The following ARHGEF39 variants were observed in gnomAD, a reference collection of about 807,000 sequenced individuals.
The protein encoded by ARHGEF39 is Rho guanine nucleotide exchange factor 39, also known as Rho guanine nucleotide exchange factor (GEF) 39.
ARHGEF39 carries 45 observed loss-of-function variants against 47.5 expected under a neutral mutation model. The observed-to-expected ratio is 0.95, with a 90% CI of 0.75 to 1.22. The LOEUF (loss-of-function observed/expected upper bound fraction) is 1.22. Among genes scored for constraint, ARHGEF39 ranks in the 50% most tolerant of loss-of-function variants. The probability of loss-of-function intolerance (pLI) is 0.00; values close to 1 mark genes in which losing one functional copy is unlikely to be tolerated. For synonymous variants in ARHGEF39, 164 were observed against 167.8 expected, an observed-to-expected ratio of 0.98 and a Z score of 0.17; for missense variants, 411 against 425.3, an observed-to-expected ratio of 0.97 and a Z score of 0.30.
At chr9:35,663,479 C>A in intron 4 of ARHGEF39, 87 bp from the exon 5 acceptor site, 1 of 1,165,476 alleles carries the variant, frequency 8.6e-7, no homozygotes. Flanking sequence ...TCTACCCATA[C>A]TTCAATTGAA....
rs199818206 is a variant in ARHGEF39 at position 35,661,031 on chromosome 9, G to A, written c.*956C>T. On this transcript the variant is annotated 3_prime_UTR_variant, in exon 9 of 9. Coordinates refer to ENST00000378387, the MANE Select transcript of ARHGEF39 (RefSeq NM_032818.3). ...AGGCCTGGGAGGAGCCCACAAACTG[G>A]AGCACAGAGACATGGAACCTAGCTA... 5 of 1,614,070 alleles carry A rather than the reference G, an allele frequency of 3.1e-6. No individual in the cohort carries two copies. The African/African-American group carries it at 5.3e-5, about 17-fold the overall frequency.
chr9:35,664,628 C>T, intron 2 of ARHGEF39, 128 bp downstream of exon 2: 1 of 1,474,480 alleles, frequency 6.8e-7, no homozygotes. Context: ...TGCTAAGGCC[C>T]TGGGCCAAGG....
intron 2 of ARHGEF39, 49 bp downstream of exon 2, chr9:35,664,707 C>T: frequency 1.3e-6 from 2 of 1,559,504 alleles, no homozygotes; most frequent in Non-Finnish European, 1.7e-6. Flanking sequence ...TGCACGGCCA[C>T]AGGCCAGGAC....
In ARHGEF39 at chr9:35,660,568, G is replaced by A. The variant is rs760290547; in HGVS notation, c.*1419C>T. On this transcript the variant is annotated 3_prime_UTR_variant, in exon 9 of 9. Transcript: ENST00000378387. ...TCCCTTATCCCCAGAGCAACAGCTG[G>A]CCCAGTTGACACAACAGCTGGCCCA... 2.5e-6 allele frequency: 4 copies of A among 1,614,096 alleles called. No individual in the cohort carries two copies. The South Asian group carries it at 4.4e-5, about 18-fold the overall frequency.
chr9:35,661,589 C>T lies in ARHGEF39; in HGVS notation c.*398G>A, dbSNP rs1823953175. On this transcript the variant is annotated 3_prime_UTR_variant, in exon 9 of 9. Coordinates refer to ENST00000378387, the MANE Select transcript of ARHGEF39 (RefSeq NM_032818.3). ...CACAGAGCTTATCAGTCCCAAATCC[C>T]CTCATCTGTGTTAGGGGCTGGTTCA... 2.3e-6 allele frequency: 1 copy of T among 427,450 alleles called. No homozygotes were observed. Among genetic ancestry groups the T allele is most frequent in the Non-Finnish European group, 4.1e-6 (1 of 242,924 alleles). 26.5% of individuals were successfully genotyped at this position (427,450 alleles called of 1,614,324 possible).
Position 35,661,031 on chromosome 9 carries a change from G to C in ARHGEF39, c.*956C>G, listed in dbSNP as rs199818206. On this transcript the variant is annotated 3_prime_UTR_variant, in exon 9 of 9. Coordinates refer to ENST00000378387, the MANE Select transcript of ARHGEF39 (RefSeq NM_032818.3). ...AGGCCTGGGAGGAGCCCACAAACTG[G>C]AGCACAGAGACATGGAACCTAGCTA... The C allele has an allele frequency of 3.1e-6, 5 of 1,614,188 alleles. No individual in the cohort carries two copies. In the African/African-American group the frequency reaches 5.3e-5, roughly 17 times the overall value.
chr9:35,662,147 C>T lies in ARHGEF39; in HGVS notation c.992+32G>A, dbSNP rs183746919. 1.4e-4 allele frequency: 233 copies of T among 1,609,132 alleles called. No homozygotes were observed. The African/African-American group carries it at 1.8e-3, about 13-fold the overall frequency. Reference sequence around the variant, plus strand: ...TATTTCCTGCTTGTGGGCCTCATCACAGCACCCTTCCTGGGGGAAGACACA... The same window carrying T: ...TATTTCCTGCTTGTGGGCCTCATCATAGCACCCTTCCTGGGGGAAGACACA... On this transcript the variant is annotated intron_variant, in intron 8 of 8. Coordinates refer to ENST00000378387, the MANE Select transcript of ARHGEF39 (RefSeq NM_032818.3).
chr9:35,661,942 A>G lies in ARHGEF39; in HGVS notation c.*45T>C. On this transcript the variant is annotated 3_prime_UTR_variant, in exon 9 of 9. Coordinates refer to ENST00000378387, the MANE Select transcript of ARHGEF39 (RefSeq NM_032818.3). ...AGATTCCTTTGTACTCTTGGCTGTG[A>G]CCTATCCCTGAGGTATCCTGAGTTC... 1 of 1,599,466 alleles carries G rather than the reference A, an allele frequency of 6.3e-7. No homozygotes were observed. The highest frequency in any genetic ancestry group is 2.2e-5 in the East Asian group (1 of 44,816).
At chr9:35,664,916 G>A (rs554318756) in intron 1 of ARHGEF39, 66 bp from the exon 2 acceptor site, 1 of 1,561,530 alleles carries the variant, frequency 6.4e-7, no homozygotes, top group African/African-American at 1.4e-5. Flanking sequence ...AGCGCCCCCA[G>A]AAACCGCAGA....
Position 35,661,067 on chromosome 9 carries a change from G to T in ARHGEF39, c.*920C>A. ...CATGGAACCTAGCTACTTCCTGGGA[G>T]GTGGGGCGGGGACTACGGAGAAGGT... is the stretch of plus-strand genomic sequence containing the variant. On this transcript the variant is annotated 3_prime_UTR_variant, in exon 9 of 9. Transcript: ENST00000378387. 1 of 1,614,192 alleles carries T rather than the reference G, an allele frequency of 6.2e-7. No homozygotes were observed. Among genetic ancestry groups the T allele is most frequent in the Non-Finnish European group, 8.5e-7 (1 of 1,180,030 alleles).
chr9:35,664,365 A>C lies in ARHGEF39; in HGVS notation c.354+7T>G. On this transcript the variant is annotated splice_region_variant and intron_variant, in intron 3 of 8. Transcript: ENST00000378387. ...AGGGGCAAGATTTGAGGTCATCTCC[A>C]GGTTACCTGCAGGGTGGTCTGGGAC... 6.3e-7 allele frequency: 1 copy of C among 1,596,652 alleles called. No homozygotes were observed.
chr9:35,664,676 T>G, intron 2 of ARHGEF39, 80 bp downstream of exon 2: 1 of 1,509,366 alleles, frequency 6.6e-7, no homozygotes, highest in Non-Finnish European at 8.9e-7. Flanking sequence ...AAATAGAACC[T>G]AAGTCTGACT....
In ARHGEF39 at chr9:35,660,966, T is replaced by C; in HGVS notation, c.*1021A>G. The C allele has an allele frequency of 6.2e-7, 1 of 1,614,130 alleles. No individual in the cohort carries two copies. On this transcript the variant is annotated 3_prime_UTR_variant, in exon 9 of 9. Coordinates refer to ENST00000378387, the MANE Select transcript of ARHGEF39 (RefSeq NM_032818.3). ...GGCCAGCAGACCTCTTCCTGAGGAC[T>C]TCTGTTTAAAGGAGGACGAGGAGGA...
At position 35,660,318 on chromosome 9, in the gene ARHGEF39, T is replaced by C; in HGVS notation, c.*1669A>G. ...TCACTGTCTCCATCTCAAATTGCAC[T>C]CTCTCTTGGCTGGCTCTGGAGACTG... On this transcript the variant is annotated 3_prime_UTR_variant, in exon 9 of 9. Transcript: ENST00000378387. 8.2e-7 allele frequency: 1 copy of C among 1,223,106 alleles called. No individual in the cohort carries two copies. The highest frequency in any genetic ancestry group is 2.4e-5 in the East Asian group (1 of 42,532). 75.8% of individuals were successfully genotyped at this position (1,223,106 alleles called of 1,614,324 possible).
Position 35,659,599 on chromosome 9 carries a change from T to G in ARHGEF39, c.*2388A>C, listed in dbSNP as rs1461256046. 2 of 152,216 alleles carry G rather than the reference T, an allele frequency of 1.3e-5. No individual in the cohort carries two copies. Among genetic ancestry groups the G allele is most frequent in the Non-Finnish European group, 2.9e-5 (2 of 68,050 alleles). 9.4% of individuals were successfully genotyped at this position (152,216 alleles called of 1,614,324 possible). A position where few individuals can be genotyped will look rare whatever the true frequency, so the allele number is the denominator to read the frequency against. ...ATTGTATTCTCCTCAGGGCATTGCT[T>G]TAAGAGCACTACGTGTTCAGGAAAC... On this transcript the variant is annotated 3_prime_UTR_variant, in exon 9 of 9. Coordinates refer to ENST00000378387, the MANE Select transcript of ARHGEF39 (RefSeq NM_032818.3).
At chr9:35,664,998 G>A in intron 1 of ARHGEF39, 34 bp downstream of exon 1, 1 of 1,524,488 alleles carries the variant, frequency 6.6e-7, no homozygotes, top group South Asian at 1.2e-5. Flanking sequence ...TGGGGTCCCT[G>A]TCCTATAATG....
Position 35,660,559 on chromosome 9 carries a change from C to A in ARHGEF39, c.*1428G>T. 1 of 1,614,056 alleles carries A rather than the reference C, an allele frequency of 6.2e-7. No individual in the cohort carries two copies. Among genetic ancestry groups the A allele is most frequent in the Admixed American group, 1.7e-5 (1 of 60,002 alleles). On this transcript the variant is annotated 3_prime_UTR_variant, in exon 9 of 9. Coordinates refer to ENST00000378387, the MANE Select transcript of ARHGEF39 (RefSeq NM_032818.3). ...CCCCTTTTTTCCCTTATCCCCAGAG[C>A]AACAGCTGGCCCAGTTGACACAACA...
Position 35,664,056 on chromosome 9 carries a change from C to A in ARHGEF39, c.425G>T (p.Gly142Val). 1 of 1,614,120 alleles carries A rather than the reference C, an allele frequency of 6.2e-7. No homozygotes were observed. Among genetic ancestry groups the A allele is most frequent in the Non-Finnish European group, 8.5e-7 (1 of 1,179,972 alleles). ...RLQEGRPEFG[G>V]LQLQDLLPLP... ...AGGGAGCAGGTCCTGGAGCTGAAGG[C>A]CCCCAAACTCAGGGCGGCCTTCCTG... Residue 142 changes from glycine to valine, a missense_variant, in exon 4 of 9, where the codon GGC becomes GTC. Coordinates refer to ENST00000378387, the MANE Select transcript of ARHGEF39 (RefSeq NM_032818.3).
rs933078840 is a variant in ARHGEF39, at chr9:35,660,288, C to T, written c.*1699G>A. Reference sequence around the variant, plus strand: ...GGATTGTGATTCTCTGAGGTAAAAACCCAATCACTGTCTCCATCTCAAATT... The same window carrying T: ...GGATTGTGATTCTCTGAGGTAAAAATCCAATCACTGTCTCCATCTCAAATT... On this transcript the variant is annotated 3_prime_UTR_variant, in exon 9 of 9. Transcript: ENST00000378387. The T allele has an allele frequency of 1.2e-5, 11 of 903,176 alleles. No individual in the cohort carries two copies. In the African/African-American group the frequency reaches 1.8e-4, roughly 15 times the overall value. The allele number at this position is 903,176 out of a possible 1,614,324, so 55.9% of individuals were successfully genotyped here. A position where few individuals can be genotyped will look rare whatever the true frequency, so the allele number is the denominator to read the frequency against.
Sources: allele counts gnomAD v4.1 joint callset, GRCh38; gene constraint gnomAD v4.1.1; transcripts MANE v1.5; gene names NCBI Gene and HGNC (gene_info 2026-07-23, HGNC 2026-07-21).